Variants in AGPS observed in about 807,000 individuals in gnomAD.
AGPS encodes the protein alkylglycerone phosphate synthase.
AGPS carries 26 observed loss-of-function variants against 90.7 expected under a neutral mutation model. The ratio of observed to expected loss-of-function variants is 0.29; its 90% CI spans 0.21 to 0.40. AGPS has a LOEUF of 0.40. Among genes scored for constraint, AGPS ranks in the 10% least tolerant of loss-of-function variants. AGPS has a pLI of 1.00. For synonymous variants in AGPS, 294 were observed against 285.3 expected (o/e 1.03, Z -0.31); for missense variants, 540 against 816.1 (o/e 0.66, Z 4.12).
chr2:177,469,901 T>A (rs1461848383), intron 10 of AGPS, among the ~76,000 whole-genome samples: 1 of 152,174 alleles, frequency 6.6e-6, no homozygotes, highest in Admixed American at 6.5e-5. Flanking sequence ...GCTGGGACAT[T>A]TGAGACAGAT....
At chr2:177,480,096 C>G (rs998439998) in intron 10 of AGPS, among the ~76,000 whole-genome samples, 16 of 152,138 alleles carry the variant, frequency 1.1e-4, no homozygotes, top group Non-Finnish European at 2.2e-4. Context: ...GGAGAATTTA[C>G]TTGAACCCAG....
chr2:177,423,635 T>G (rs913199756), intron 2 of AGPS, among the ~76,000 whole-genome samples: 1 of 152,200 alleles, frequency 6.6e-6, no homozygotes, highest in Admixed American at 6.5e-5. Context: ...AAGGTAGATT[T>G]TTATACGGAA....
chr2:177,505,141 T>C (rs1356675873), intron 14 of AGPS, among the ~76,000 whole-genome samples: 1 of 152,028 alleles, frequency 6.6e-6, no homozygotes, highest in African/African-American at 2.4e-5. Context: ...TGGAAGCTTC[T>C]CAGTATTGGG....
At chr2:177,495,745 T>TTA (rs1688392815) in intron 12 of AGPS, among the ~76,000 whole-genome samples, 1 of 140,178 alleles carries the variant, frequency 7.1e-6, no homozygotes, top group Non-Finnish European at 1.5e-5. Context: ...CTGTCTCTAC[T>TTA]AAAAAAAAAA....
chr2:177,482,114 C>T lies in AGPS; in HGVS notation c.1161C>T (p.Tyr387=). The change falls in exon 11 of 20, where the codon TAC becomes TAT. Residue 387 remains tyrosine, a synonymous_variant. Transcript: ENST00000264167. The part of the protein sequence containing the change: ...ATIKIRPVPE[Y]QKYGSVAFPN... Reference sequence around the variant, plus strand: ...TAAAAATCAGACCAGTCCCTGAATACCAAAAGTATGGCTCAGTAGCTTTCC... The same window carrying T: ...TAAAAATCAGACCAGTCCCTGAATATCAAAAGTATGGCTCAGTAGCTTTCC... 1.2e-6 allele frequency: 2 copies of T among 1,605,602 alleles called. No individual in the cohort carries two copies. Among genetic ancestry groups the T allele is most frequent in the Non-Finnish European group, 1.7e-6 (2 of 1,174,622 alleles).
Position 177,520,521 on chromosome 2 carries a change from C to T in AGPS, c.1698-748C>T, listed in dbSNP as rs553742526. On this transcript the variant is annotated intron_variant, in intron 17 of 19. Transcript: ENST00000264167. ...TTCAAGGGGCAGATGTTTTGCATCC[C>T]ATCTGTTTACTGTGGCAGTACAAAA... 5.6e-4 allele frequency among the ~76,000 whole-genome samples: 84 copies of T among 149,840 alleles called. 1 individual carries two copies. The South Asian group carries it at 0.013, about 23-fold the overall frequency.
intron 12 of AGPS, among the ~76,000 whole-genome samples, chr2:177,495,432 G>A (rs1688382418): frequency 6.6e-6 from 1 of 152,144 alleles, no homozygotes; most frequent in Admixed American, 6.6e-5. Context: ...TAGAGCTAGG[G>A]ATGAACCCAG....
intron 2 of AGPS, among the ~76,000 whole-genome samples, chr2:177,426,497 T>G (rs1336990204): frequency 6.6e-6 from 1 of 152,228 alleles, no homozygotes; most frequent in Non-Finnish European, 1.5e-5. Context: ...CTTCCAGCTT[T>G]TGCTCATTCT....
intron 10 of AGPS, among the ~76,000 whole-genome samples, chr2:177,469,921 C>A (rs1252475625): frequency 6.6e-6 from 1 of 151,954 alleles, no homozygotes; most frequent in East Asian, 1.9e-4. Context: ...TAATAACAGA[C>A]AATTATACAA....
At chr2:177,395,162 G>T (rs1685137805) in intron 1 of AGPS, among the ~76,000 whole-genome samples, 1 of 152,178 alleles carries the variant, frequency 6.6e-6, no homozygotes, top group Non-Finnish European at 1.5e-5. Context: ...TACATTTTAT[G>T]TAGATTCACA....
At chr2:177,420,552 G>T (rs1267829536) in intron 2 of AGPS, among the ~76,000 whole-genome samples, 194 bp downstream of exon 2, 1 of 151,180 alleles carries the variant, frequency 6.6e-6, no homozygotes, top group Non-Finnish European at 1.5e-5. Context: ...ATATGTATTT[G>T]TGTGTGTGTA....
At chr2:177,523,375 A>AC (rs1689254902) in intron 18 of AGPS, among the ~76,000 whole-genome samples, 1 of 152,240 alleles carries the variant, frequency 6.6e-6, no homozygotes. Flanking sequence ...GGAAGCAGTC[A>AC]GTAAATTTTA....
intron 19 of AGPS, among the ~76,000 whole-genome samples, chr2:177,525,309 C>T (rs2079073335): frequency 6.6e-6 from 1 of 152,098 alleles, no homozygotes; most frequent in African/African-American, 2.4e-5. Flanking sequence ...TTCAAAATGA[C>T]ACTGTATTAA....
chr2:177,469,883 G>T (rs1687561502), intron 10 of AGPS, among the ~76,000 whole-genome samples: 1 of 151,714 alleles, frequency 6.6e-6, no homozygotes, highest in Admixed American at 6.6e-5. Context: ...CTAGTTGCTA[G>T]ATATTATGCT....
chr2:177,414,547 G>T (rs561329688), intron 1 of AGPS, among the ~76,000 whole-genome samples: 5 of 152,158 alleles, frequency 3.3e-5, no homozygotes, highest in Admixed American at 6.5e-5. Context: ...ACTATAAAAA[G>T]TTGACTGTAG....
intron 1 of AGPS, among the ~76,000 whole-genome samples, chr2:177,406,636 T>C (rs1685474818): frequency 6.6e-6 from 1 of 152,210 alleles, no homozygotes; most frequent in Non-Finnish European, 1.5e-5. Flanking sequence ...TTCATCCACA[T>C]TGGAGAATCA....
intron 9 of AGPS, among the ~76,000 whole-genome samples, chr2:177,466,039 T>G (rs1321769043): frequency 1.3e-5 from 2 of 152,134 alleles, no homozygotes; most frequent in Admixed American, 6.5e-5. Flanking sequence ...AGGAGACTCA[T>G]ATTGGGTAGC....
At chr2:177,491,434 T>C (rs1415405614) in intron 11 of AGPS, among the ~76,000 whole-genome samples, 2 of 147,962 alleles carry the variant, frequency 1.4e-5, no homozygotes, top group East Asian at 2.0e-4. Flanking sequence ...AATTTCTTTT[T>C]TTTTTTTTTT....
At chr2:177,499,126 T>A (rs1688486893) in intron 13 of AGPS, among the ~76,000 whole-genome samples, 1 of 151,852 alleles carries the variant, frequency 6.6e-6, no homozygotes, top group African/African-American at 2.4e-5. Context: ...TTTAGATATG[T>A]TTCCTAATAT....
Sources: allele counts gnomAD v4.1 joint callset (sites outside exome capture counted in the v4.1 genomes callset), GRCh38; gene constraint gnomAD v4.1.1; transcripts MANE v1.5; gene names NCBI Gene and HGNC (gene_info 2026-07-23, HGNC 2026-07-21).